ATAD2B: variants seen among roughly 807,000 people sequenced by gnomAD.
ATAD2B encodes the protein ATPase family AAA domain-containing protein 2B.
ATAD2B carries 40 observed loss-of-function variants against 167.6 expected under a neutral mutation model. That is an observed-to-expected ratio of 0.24 (90% CI 0.19 to 0.31). ATAD2B has a LOEUF of 0.31. ATAD2B is among the 10% of genes least tolerant of loss of function. The pLI is 1.00. For synonymous variants in ATAD2B, 579 were observed against 596.5 expected (o/e 0.97, Z 0.43); for missense variants, 1,242 against 1,757.2 (o/e 0.71, Z 5.24).
intron 25 of ATAD2B, among the ~76,000 whole-genome samples, chr2:23,755,778 A>G (rs1675878889): frequency 6.6e-6 from 1 of 152,208 alleles, no homozygotes; most frequent in Non-Finnish European, 1.5e-5. Context: ...ATTGCCTTCA[A>G]AAACATGTAT....
intron 12 of ATAD2B, among the ~76,000 whole-genome samples, chr2:23,857,768 G>T (rs1693657046): frequency 7.4e-6 from 1 of 134,762 alleles, no homozygotes; most frequent in African/African-American, 2.8e-5. Flanking sequence ...TTGAGACGGA[G>T]TCTCGCTCTG....
intron 12 of ATAD2B, among the ~76,000 whole-genome samples, chr2:23,858,621 C>T (rs928016192): frequency 1.3e-5 from 2 of 151,522 alleles, no homozygotes; most frequent in Non-Finnish European, 1.5e-5. Context: ...GTACCTGGGA[C>T]TACAGGCAGG....
At chr2:23,921,006 A>G (rs574123840) in intron 1 of ATAD2B, among the ~76,000 whole-genome samples, 2 of 152,184 alleles carry the variant, frequency 1.3e-5, no homozygotes, top group South Asian at 4.2e-4. Flanking sequence ...GGAGTTCGAG[A>G]CCAGCCTGAC....
At chr2:23,915,851 A>G (rs1274577951) in intron 1 of ATAD2B, among the ~76,000 whole-genome samples, 2 of 151,978 alleles carry the variant, frequency 1.3e-5, no homozygotes, top group African/African-American at 4.8e-5. Context: ...TCAGCCTCCC[A>G]AAGTGCTGGG....
At chr2:23,798,837 AAC>A (rs1683011934) in intron 18 of ATAD2B, among the ~76,000 whole-genome samples, 2 of 152,208 alleles carry the variant, frequency 1.3e-5, no homozygotes, top group Non-Finnish European at 2.9e-5. Flanking sequence ...TACTTGCTGA[AAC>A]AGTCATTCAC....
intron 22 of ATAD2B, among the ~76,000 whole-genome samples, chr2:23,772,914 T>C (rs1678557057): frequency 6.6e-6 from 1 of 152,168 alleles, no homozygotes; most frequent in Non-Finnish European, 1.5e-5. Context: ...ATTTTTGTAC[T>C]TTTTGTAGAG....
intron 17 of ATAD2B, among the ~76,000 whole-genome samples, chr2:23,816,560 T>A (rs1686484602): frequency 6.6e-6 from 1 of 152,204 alleles, no homozygotes; most frequent in South Asian, 2.1e-4. Flanking sequence ...ATAATCCAGA[T>A]AATGTATGGG....
intron 1 of ATAD2B, among the ~76,000 whole-genome samples, chr2:23,920,930 T>C (rs1703819309): frequency 6.6e-6 from 1 of 151,958 alleles, no homozygotes; most frequent in East Asian, 1.9e-4. Flanking sequence ...TTGGGCCGGA[T>C]GTGGTGGCTC....
At chr2:23,700,630 T>C in the ATAD2B span, among the ~76,000 whole-genome samples, 2 of 152,230 alleles carry the variant, frequency 1.3e-5, no homozygotes, top group South Asian at 2.1e-4. This position sits in a 1 kb window ranked among gnomAD's most constrained non-coding sequence, Gnocchi z 4.6. Context: ...CAGCATTCCA[T>C]TGACCCCTCT....
chr2:23,732,007 G>C, the ATAD2B span, among the ~76,000 whole-genome samples: 1 of 146,896 alleles, frequency 6.8e-6, no homozygotes, highest in African/African-American at 2.7e-5. Context: ...CTCTTAATGA[G>C]ATATTTCATA....
chr2:23,705,888 T>C, the ATAD2B span, among the ~76,000 whole-genome samples: 2 of 152,120 alleles, frequency 1.3e-5, no homozygotes, highest in African/African-American at 4.8e-5. Flanking sequence ...AGGAGCTGAC[T>C]GAGACAACAG....
Position 23,757,557 on chromosome 2 carries a change from C to G in ATAD2B, c.3939G>C (p.Gln1313His). ...TCGAAGTTTCTGGTTTTTCTTTTGA[C>G]TGGTCCTCCAGAAGAATCTTTTGTT... ...SSEQKILLED[Q>H]SKEKPETSTE... The change falls in exon 25 of 28, where the codon CAG (glutamine) becomes CAC (histidine). Residue 1313 changes from glutamine to histidine, a missense_variant. Transcript: ENST00000238789. The G allele has an allele frequency of 1.9e-6, 3 of 1,601,488 alleles. No homozygotes were observed. Among genetic ancestry groups the G allele is most frequent in the Non-Finnish European group, 2.6e-6 (3 of 1,176,472 alleles).
At chr2:23,850,675 G>C (rs1053636693) in intron 13 of ATAD2B, among the ~76,000 whole-genome samples, 3 of 152,144 alleles carry the variant, frequency 2.0e-5, no homozygotes, top group Admixed American at 6.6e-5. Context: ...CAGAAGAGAA[G>C]GGGGGATGAA....
chr2:23,757,868 A>G lies in ATAD2B; in HGVS notation c.3628T>C (p.Cys1210Arg). 1 of 1,593,566 alleles carries G rather than the reference A, an allele frequency of 6.3e-7. No individual in the cohort carries two copies. The highest frequency in any genetic ancestry group is 8.5e-7 in the Non-Finnish European group (1 of 1,173,964). The change falls in exon 25 of 28, where the codon TGT becomes CGT. Residue 1210 changes from cysteine (C) to arginine (R), a missense_variant. Cys to Arg is a radical substitution (Grantham distance 180). Transcript: ENST00000238789. Reference protein sequence around the residue: ...DLSMTNDESSCDIMDLDQGQR... With the variant: ...DLSMTNDESSRDIMDLDQGQR... Reference sequence around the variant, plus strand: ...CCCTGGTCCAAGTCCATGATGTCACAGGATGATTCATCATTGGTCATAGAT... The same window carrying G: ...CCCTGGTCCAAGTCCATGATGTCACGGGATGATTCATCATTGGTCATAGAT...
intron 12 of ATAD2B, among the ~76,000 whole-genome samples, chr2:23,862,133 G>A (rs1424164778): frequency 6.6e-6 from 1 of 151,586 alleles, no homozygotes; most frequent in Non-Finnish European, 1.5e-5. Context: ...GGAGTTTGAG[G>A]TTGCAGTGAA....
chr2:23,896,690 C>T lies in ATAD2B; in HGVS notation c.217-720G>A, dbSNP rs78807385. On this transcript the variant is annotated intron_variant, in intron 1 of 27. Transcript: ENST00000238789. ...GTATAATACAGAGTCAAACCACAGACATATTCAAATTTCACCAAATGTCCC... is the reference window on the plus strand; with the variant it reads ...GTATAATACAGAGTCAAACCACAGATATATTCAAATTTCACCAAATGTCCC... Among the ~76,000 whole-genome samples the T allele has an allele frequency of 6.3e-4, 96 of 152,276 alleles. 2 individuals are homozygous for T. The East Asian group carries it at 0.018, about 28-fold the overall frequency.
At chr2:23,868,036 T>A (rs1205476480) in intron 9 of ATAD2B, 90 bp from the exon 10 acceptor site, 10 of 794,880 alleles carry the variant, frequency 1.3e-5, no homozygotes, top group African/African-American at 1.1e-4. Context: ...TGTGTCTTCA[T>A]CTTTCTCCTT....
At chr2:23,724,277 CCAAAA>C in the ATAD2B span, among the ~76,000 whole-genome samples, 1 of 151,556 alleles carries the variant, frequency 6.6e-6, no homozygotes, top group Non-Finnish European at 1.5e-5. Flanking sequence ...ATGAATGTTC[CCAAAA>C]CAAAAAAAGA....
chr2:23,861,972 G>A (rs906873073), intron 12 of ATAD2B, among the ~76,000 whole-genome samples: 5 of 152,184 alleles, frequency 3.3e-5, no homozygotes, highest in African/African-American at 7.2e-5. Flanking sequence ...AGGCCAAGGC[G>A]GGAGGATAGC....
Sources: gnomAD v4.1 joint callset for allele counts (sites outside exome capture counted in the v4.1 genomes callset) on GRCh38, gnomAD v4.1.1 for gene constraint, Gnocchi (gnomAD v3.1) non-coding constraint, MANE v1.5 for transcripts, NCBI Gene and HGNC (gene_info 2026-07-23, HGNC 2026-07-21) for gene names.